IQCJ: variants seen among roughly 807,000 people sequenced by gnomAD.
IQCJ encodes IQ domain-containing protein J.
IQCJ carries 9 observed loss-of-function variants against 11.0 expected under a neutral mutation model. The ratio of observed to expected loss-of-function variants is 0.82; its 90% CI spans 0.49 to 1.43. The LOEUF is 1.43. Among genes scored for constraint, IQCJ ranks in the 40% most tolerant of loss-of-function variants. The pLI, the probability that IQCJ is intolerant of heterozygous loss-of-function variation, is 0.00. For synonymous variants in IQCJ, 55 were observed against 51.3 expected (o/e 1.07, Z -0.31); for missense variants, 146 against 133.2 (o/e 1.10, Z -0.47).
intron 1 of IQCJ, among the ~76,000 whole-genome samples, chr3:159,157,837 C>G (rs1721613946): frequency 6.6e-6 from 1 of 152,188 alleles, no homozygotes; most frequent in African/African-American, 2.4e-5. Context: ...GTTATTTTCT[C>G]ATATAACATA....
At chr3:159,236,679 G>A (rs1397228773) in intron 1 of IQCJ, among the ~76,000 whole-genome samples, 3 of 152,210 alleles carry the variant, frequency 2.0e-5, no homozygotes, top group African/African-American at 7.2e-5. Context: ...ATCACTTAAT[G>A]TGGACACAGC....
chr3:159,185,045 C>T (rs186897613), intron 1 of IQCJ, among the ~76,000 whole-genome samples: 1 of 152,326 alleles, frequency 6.6e-6, no homozygotes, highest in Admixed American at 6.5e-5. Flanking sequence ...AAGCATCCAA[C>T]ATCAGTAACC....
At chr3:159,247,186 T>C (rs1031377564) in intron 2 of IQCJ, among the ~76,000 whole-genome samples, 2 of 152,174 alleles carry the variant, frequency 1.3e-5, no homozygotes, top group Non-Finnish European at 2.9e-5. Flanking sequence ...GACCTCCGCC[T>C]CCCGGGTTCA....
At chr3:159,192,734 T>C (rs1268814068) in intron 1 of IQCJ, among the ~76,000 whole-genome samples, 2 of 152,176 alleles carry the variant, frequency 1.3e-5, no homozygotes, top group Non-Finnish European at 2.9e-5. Flanking sequence ...GAAATGTGTG[T>C]CTTGGTCCTG....
intron 1 of IQCJ, among the ~76,000 whole-genome samples, chr3:159,201,446 A>T (rs952910353): frequency 3.9e-5 from 6 of 152,118 alleles, no homozygotes; most frequent in Non-Finnish European, 8.8e-5. Flanking sequence ...TTACTAAAAT[A>T]TGATTTTATG....
chr3:159,101,831 A>G (rs1283215923), intron 1 of IQCJ, among the ~76,000 whole-genome samples: 2 of 152,210 alleles, frequency 1.3e-5, no homozygotes, highest in African/African-American at 2.4e-5. Context: ...TAACTGTCGG[A>G]AAGACTAGAC....
chr3:159,182,070 G>A (rs778486717), intron 1 of IQCJ, among the ~76,000 whole-genome samples: 13 of 151,182 alleles, frequency 8.6e-5, no homozygotes, highest in African/African-American at 1.2e-4. Flanking sequence ...TTAACTGTAC[G>A]CCTCATTATA....
chr3:159,103,588 A>G (rs1004024486), intron 1 of IQCJ, among the ~76,000 whole-genome samples: 2 of 152,262 alleles, frequency 1.3e-5, no homozygotes, highest in Non-Finnish European at 2.9e-5. Flanking sequence ...TTGAAATAAA[A>G]TATTTATGGA....
At chr3:159,072,129 A>G (rs777994106) in intron 1 of IQCJ, among the ~76,000 whole-genome samples, 11 of 152,132 alleles carry the variant, frequency 7.2e-5, no homozygotes, top group Non-Finnish European at 1.3e-4. Flanking sequence ...ATTATTAACC[A>G]TTATTTATGG....
chr3:159,214,314 G>A (rs1315141610), intron 1 of IQCJ, among the ~76,000 whole-genome samples: 1 of 152,102 alleles, frequency 6.6e-6, no homozygotes, highest in Admixed American at 6.5e-5. Flanking sequence ...CAACCTGGGG[G>A]TAGCTCCAGC....
chr3:159,137,310 A>C (rs992305137), intron 1 of IQCJ, among the ~76,000 whole-genome samples: 2 of 152,094 alleles, frequency 1.3e-5, no homozygotes, highest in African/African-American at 4.8e-5. Flanking sequence ...AATCCTTCAC[A>C]TGATTCACAT....
At chr3:159,193,709 T>C (rs1037089150) in intron 1 of IQCJ, among the ~76,000 whole-genome samples, 1 of 152,212 alleles carries the variant, frequency 6.6e-6, no homozygotes, top group Admixed American at 6.5e-5. Flanking sequence ...TCTATTAGAA[T>C]GTAATCAACT....
chr3:159,176,020 T>C (rs4419423), intron 1 of IQCJ, among the ~76,000 whole-genome samples: 41,210 of 152,098 alleles, frequency 0.27, 5,759 homozygotes, highest in South Asian at 0.39. Context: ...GGTGTATGTA[T>C]TTCCCTAACG....
intron 1 of IQCJ, among the ~76,000 whole-genome samples, chr3:159,237,186 G>C (rs925181229): frequency 1.3e-5 from 2 of 152,212 alleles, no homozygotes; most frequent in African/African-American, 4.8e-5. Context: ...GTACTTTAGA[G>C]AAAAAGCAAT....
intron 3 of IQCJ, among the ~76,000 whole-genome samples, chr3:159,260,103 T>C (rs1203438249): frequency 6.6e-6 from 1 of 152,204 alleles, no homozygotes; most frequent in Non-Finnish European, 1.5e-5. Context: ...TGTTGTCTTC[T>C]TAATATCTGA....
At chr3:159,101,369 T>C (rs1174508276) in intron 1 of IQCJ, among the ~76,000 whole-genome samples, 1 of 152,112 alleles carries the variant, frequency 6.6e-6, no homozygotes, top group Non-Finnish European at 1.5e-5. Flanking sequence ...GAGCTGTTCC[T>C]ATTCGGCCAT....
chr3:159,262,512 G>C, intron 3 of IQCJ, 36 bp from the exon 4 acceptor site: 1 of 1,605,706 alleles, frequency 6.2e-7, no homozygotes, highest in Non-Finnish European at 8.5e-7. Flanking sequence ...CAGTAATCAT[G>C]TGTGTGCTGT....
chr3:159,177,087 A>G (rs1432772210), intron 1 of IQCJ, among the ~76,000 whole-genome samples: 1 of 152,250 alleles, frequency 6.6e-6, no homozygotes, highest in Non-Finnish European at 1.5e-5. Flanking sequence ...ATCATTAAAT[A>G]GAAAGCAGTG....
chr3:159,154,475 T>C (rs895059214), intron 1 of IQCJ, among the ~76,000 whole-genome samples: 2 of 152,204 alleles, frequency 1.3e-5, no homozygotes, highest in Non-Finnish European at 2.9e-5. Flanking sequence ...ATTCACCAAC[T>C]TTGTATCAGC....
Sources: gnomAD v4.1 joint callset for allele counts (sites outside exome capture counted in the v4.1 genomes callset) on GRCh38, gnomAD v4.1.1 for gene constraint, MANE v1.5 for transcripts, NCBI Gene and HGNC (gene_info 2026-07-23, HGNC 2026-07-21) for gene names.